CRHBP: variants seen among roughly 807,000 people sequenced by gnomAD.
The protein encoded by CRHBP is corticotropin releasing hormone binding protein, also known as corticotropin-releasing hormone-binding protein.
A neutral mutation model predicts 34.9 loss-of-function variants in CRHBP; 19 were observed. The ratio of observed to expected loss-of-function variants is 0.55; its 90% CI spans 0.38 to 0.80. CRHBP has a LOEUF of 0.80. Ranked by LOEUF, CRHBP falls within the 30% of genes least tolerant of loss-of-function variation. The probability of loss-of-function intolerance (pLI) is 0.00; values close to 1 mark genes in which losing one functional copy is unlikely to be tolerated. For synonymous variants in CRHBP, 154 were observed against 153.4 expected (o/e 1.00, Z -0.03); for missense variants, 328 against 409.2 (o/e 0.80, Z 1.71).
chr5:76,970,010 T>C (rs1745924175), downstream of CRHBP, among the ~76,000 whole-genome samples: 1 of 139,540 alleles, frequency 7.2e-6, no homozygotes, highest in African/African-American at 2.7e-5. Flanking sequence ...TACAGTAATG[T>C]AATCTCACCT....
At position 76,975,584 on chromosome 5, in the gene CRHBP, CT is replaced by C. The variant is rs1287877737; in HGVS notation, n.312-779del. 2.0e-5 allele frequency among the ~76,000 whole-genome samples: 3 copies of C among 151,522 alleles called. No homozygotes were observed. The East Asian group carries it at 5.8e-4, about 29-fold the overall frequency. On this transcript the variant is annotated intron_variant and non_coding_transcript_variant, in intron 2 of 3. Coordinates refer to the CRHBP transcript ENST00000514258. ...TTGGGAGGCTGAGGTGGGTGGATTA[CT>C]TAAGGCCAGGAGTTCGAGACCAGCC... is the stretch of plus-strand genomic sequence containing the variant.
chr5:76,962,456 C>T (rs986103822), intron 5 of CRHBP, among the ~76,000 whole-genome samples: 2 of 151,708 alleles, frequency 1.3e-5, no homozygotes, highest in East Asian at 1.9e-4. Flanking sequence ...AAGTGAGGCA[C>T]GGGGATTGCT....
intron 5 of CRHBP, 79 bp from the exon 6 acceptor site, chr5:76,963,264 A>C: frequency 1.7e-6 from 2 of 1,145,564 alleles, no homozygotes; most frequent in Non-Finnish European, 2.6e-6. Context: ...GAGTGAATTC[A>C]TGGACCCGCT....
At chr5:76,970,527 T>G (rs1238453157), downstream of CRHBP, among the ~76,000 whole-genome samples, 3 of 152,160 alleles carry the variant, frequency 2.0e-5, no homozygotes, top group Non-Finnish European at 4.4e-5. Flanking sequence ...AATAAATGCT[T>G]GAATGGATGG....
At chr5:76,975,878 G>C (rs1366213812) in intron 2 of CRHBP, among the ~76,000 whole-genome samples, 2 of 106,620 alleles carry the variant, frequency 1.9e-5, no homozygotes, top group Non-Finnish European at 3.7e-5. Context: ...ACATATACAT[G>C]CATATATACA....
chr5:76,953,293 C>T (rs1580088785), intron 1 of CRHBP, 78 bp downstream of exon 1: 1 of 1,379,180 alleles, frequency 7.3e-7, no homozygotes, highest in Middle Eastern at 1.8e-4. Flanking sequence ...CCTCTGCTCG[C>T]AGCCTTTTGG....
In CRHBP at chr5:76,953,619, T is replaced by TACGATCCTTTCCTGCTCTTCAGCGCCA. The variant is rs769961424; in HGVS notation, c.103_129dup (p.Asp35_Asn43dup). The TACGATCCTTTCCTGCTCTTCAGCGCCA allele has an allele frequency of 6.2e-7, 1 of 1,613,016 alleles. No individual in the cohort carries two copies. The highest frequency in any genetic ancestry group is 8.5e-7 in the Non-Finnish European group (1 of 1,179,654). On this transcript the variant is annotated inframe_insertion, in exon 2 of 7. Transcript: ENST00000274368. The stretch of plus-strand genomic sequence containing the variant: ...TTGCCAGCTGAGGGAAGCGGCGGAC[T>TACGATCCTTTCCTGCTCTTCAGCGCCA]ACGATCCTTTCCTGCTCTTCAGCGC...
chr5:76,955,811 T>G lies in CRHBP; in HGVS notation c.492T>G (p.His164Gln). Residue 164 changes from histidine to glutamine, a missense_variant, in exon 4 of 7, where the codon CAT becomes CAG. His to Gln is a conservative substitution (Grantham distance 24). Coordinates refer to ENST00000274368, the MANE Select transcript of CRHBP (RefSeq NM_001882.4). ...QNVAMIFFRV[H>Q]EPGNGFTLTI... ...TGGCCATGATCTTCTTCCGAGTCCA[T>G]GAACCAGGAAATGGATTCACATTAA... The G allele has an allele frequency of 6.2e-7, 1 of 1,614,216 alleles. No homozygotes were observed. The highest frequency in any genetic ancestry group is 8.5e-7 in the Non-Finnish European group (1 of 1,180,030).
intron 5 of CRHBP, 113 bp downstream of exon 5, chr5:76,959,002 T>C: frequency 9.6e-7 from 1 of 1,046,266 alleles, no homozygotes; most frequent in Non-Finnish European, 1.3e-6. Context: ...TACGTTGCTC[T>C]GATGAACTCT....
At position 76,969,137 on chromosome 5, in the gene CRHBP, T is replaced by C. The variant is rs1051040125; in HGVS notation, c.*252T>C. 1 of 356,494 alleles carries C rather than the reference T, an allele frequency of 2.8e-6. No homozygotes were observed. The highest frequency in any genetic ancestry group is 5.0e-6 in the Non-Finnish European group (1 of 199,306). The allele number at this position is 356,494 out of a possible 1,614,324, so 22.1% of individuals were successfully genotyped here. A position where few individuals can be genotyped will look rare whatever the true frequency, so the allele number is the denominator to read the frequency against. On this transcript the variant is annotated 3_prime_UTR_variant, in exon 7 of 7. Coordinates refer to ENST00000274368, the MANE Select transcript of CRHBP (RefSeq NM_001882.4). ...TGATTGGTAGGATCATAGTTCTAAA[T>C]GGAAATGTTTGTAATTCTTTGATGT...
chr5:76,976,903 C>T (rs562546225), intron 3 of CRHBP, among the ~76,000 whole-genome samples: 29 of 151,948 alleles, frequency 1.9e-4, no homozygotes, highest in Non-Finnish European at 4.1e-4. Flanking sequence ...ATCTACTCAT[C>T]GATTAATTAA....
intron 5 of CRHBP, among the ~76,000 whole-genome samples, chr5:76,959,886 A>G (rs899559283): frequency 2.6e-5 from 4 of 152,198 alleles, no homozygotes; most frequent in Admixed American, 2.6e-4. Flanking sequence ...GGAGATCTGC[A>G]CTTTAGTTAT....
rs1044663656 is a variant in CRHBP at position 76,964,628 on chromosome 5, C to T, written c.811+1168C>T. Among the ~76,000 whole-genome samples, 6 of 152,256 alleles carry T rather than the reference C, an allele frequency of 3.9e-5. No homozygotes were observed. In the South Asian group the frequency reaches 6.2e-4, roughly 16 times the overall value. ...CAGCACTTTGGGAGGCCGAAGCGGG[C>T]AGATTACTGAGGTCAGGAGTTCGAG... On this transcript the variant is annotated intron_variant, in intron 6 of 6. Transcript: ENST00000274368.
downstream of CRHBP, among the ~76,000 whole-genome samples, chr5:76,970,902 T>C (rs930441174): frequency 6.6e-6 from 1 of 152,196 alleles, no homozygotes; most frequent in African/African-American, 2.4e-5. Context: ...GTGACATGCT[T>C]TACTTCAAAG....
rs1316759448 is a variant in CRHBP at position 76,977,618 on chromosome 5, G to A, written n.467+1098G>A. On this transcript the variant is annotated intron_variant and non_coding_transcript_variant, in intron 3 of 3. Transcript: ENST00000514258. ...GTTTTGACTTCTCCGCCTACTGGCT[G>A]TTTGTTCCCCTGTCTCCCTTTCTCT... Among the ~76,000 whole-genome samples the A allele has an allele frequency of 2.6e-5, 4 of 152,206 alleles. No homozygotes were observed. In the East Asian group the frequency reaches 7.7e-4, roughly 29 times the overall value.
intron 1 of CRHBP, 140 bp from the exon 2 acceptor site, chr5:76,953,461 C>A: frequency 1.0e-6 from 1 of 1,002,332 alleles, no homozygotes; most frequent in Non-Finnish European, 1.5e-6. Context: ...AAGACCTTCC[C>A]GTCTTCTCCG....
Position 76,963,440 on chromosome 5 carries a change from G to A in CRHBP, c.791G>A (p.Cys264Tyr). The A allele has an allele frequency of 1.2e-6, 2 of 1,613,930 alleles. No homozygotes were observed. Among genetic ancestry groups the A allele is most frequent in the Non-Finnish European group, 1.7e-6 (2 of 1,179,920 alleles). The change falls in exon 6 of 7, where the codon TGC (cysteine) becomes TAC (tyrosine). Residue 264 changes from cysteine (C) to tyrosine (Y), a missense_variant. By Grantham distance (194) the Cys-to-Tyr change is radical. This residue lies in a region of CRHBP where 144 missense variants were observed against 216.7 expected (regional missense o/e 0.66). Transcript: ENST00000274368. ...PSKMTPLADL[C>Y]YPFHGPAQMK... ...AAGATGACGCCTTTAGCTGATCTCT[G>A]CTACCCCTTTCATGGCCCGGGTGAG... is the stretch of plus-strand genomic sequence containing the variant.
chr5:76,961,873 C>A (rs890554712), intron 5 of CRHBP, among the ~76,000 whole-genome samples: 1 of 152,198 alleles, frequency 6.6e-6, no homozygotes, highest in African/African-American at 2.4e-5. Context: ...CCCACCTCAG[C>A]TTCCCGAGTA....
At chr5:76,962,237 G>A (rs1323108771) in intron 5 of CRHBP, among the ~76,000 whole-genome samples, 1 of 151,992 alleles carries the variant, frequency 6.6e-6, no homozygotes, top group East Asian at 1.9e-4. Flanking sequence ...AGGATCACAG[G>A]CAAAATTGTG....
Sources: allele counts gnomAD v4.1 joint callset (sites outside exome capture counted in the v4.1 genomes callset), GRCh38; gene constraint gnomAD v4.1.1; regional missense constraint gnomAD v4.1.1; transcripts MANE v1.5; gene names NCBI Gene and HGNC (gene_info 2026-07-23, HGNC 2026-07-21).